FAIM2: variants seen among roughly 807,000 people sequenced by gnomAD.
FAIM2 encodes the protein protein lifeguard 2.
A neutral mutation model predicts 47.4 loss-of-function variants in FAIM2; 27 were observed. The ratio of observed to expected loss-of-function variants is 0.57; its 90% CI spans 0.42 to 0.78. The LOEUF (loss-of-function observed/expected upper bound fraction) is 0.78. FAIM2 is among the 30% of genes least tolerant of loss of function. The pLI, the probability that FAIM2 is intolerant of heterozygous loss-of-function variation, is 0.00. For missense variants in FAIM2, 311 were observed against 389.4 expected (o/e 0.80, Z 1.69); for synonymous variants, 156 against 159.3 (o/e 0.98, Z 0.16).
intron 11 of FAIM2, among the ~76,000 whole-genome samples, chr12:49,880,339 T>G (rs928936127): frequency 3.3e-5 from 5 of 151,866 alleles, no homozygotes; most frequent in African/African-American, 1.2e-4. Flanking sequence ...TGTGTGCATG[T>G]TTGTGTATGT....
intron 8 of FAIM2, 130 bp downstream of exon 8, chr12:49,889,986 TC>T: frequency 1.1e-6 from 1 of 870,146 alleles, no homozygotes; most frequent in Non-Finnish European, 1.9e-6. Flanking sequence ...GGCCAAAGCC[TC>T]CTGCATGCCT....
At chr12:49,891,028 T>C in intron 6 of FAIM2, 36 bp downstream of exon 6, 1 of 1,606,308 alleles carries the variant, frequency 6.2e-7, no homozygotes, top group Non-Finnish European at 8.5e-7. Context: ...ATCCTGCTCA[T>C]ATTCCCACAA....
In FAIM2 at chr12:49,878,193, CAT is replaced by C. The variant is rs1404241357; in HGVS notation, c.802-7542_802-7541del. On this transcript the variant is annotated intron_variant, in intron 11 of 11. Coordinates refer to ENST00000320634, the MANE Select transcript of FAIM2 (RefSeq NM_012306.4). ...GTATGTGCATGTGTATATGTGTGTG[CAT>C]ATGTGTATGTATGTGCTTGTGTGTA... is the stretch of plus-strand genomic sequence containing the variant. Among the ~76,000 whole-genome samples the C allele has an allele frequency of 2.4e-3, 222 of 94,290 alleles. 40 individuals are homozygous for C. The South Asian group carries it at 0.033, about 14-fold the overall frequency. 61.9% of individuals were successfully genotyped at this position (94,290 alleles called of 152,430 possible).
intron 2 of FAIM2, among the ~76,000 whole-genome samples, chr12:49,899,188 G>T (rs1344549730): frequency 1.3e-5 from 2 of 152,140 alleles, no homozygotes. Context: ...CCAGGTCTGC[G>T]AAATGAAAGC....
At chr12:49,889,329 C>A in intron 9 of FAIM2, 127 bp from the exon 10 acceptor site, 1 of 952,560 alleles carries the variant, frequency 1.0e-6, no homozygotes, top group Non-Finnish European at 1.7e-6. Context: ...TCCTTCCCCT[C>A]CTCCCCCTCA....
At chr12:49,898,156 C>A in intron 2 of FAIM2, 66 bp from the exon 3 acceptor site, 4 of 1,236,720 alleles carry the variant, frequency 3.2e-6, no homozygotes, top group South Asian at 2.4e-5. Context: ...TCCCCAACAG[C>A]CCCCAACTCA....
At chr12:49,889,676 G>A in intron 8 of FAIM2, 108 bp from the exon 9 acceptor site, 2 of 891,598 alleles carry the variant, frequency 2.2e-6, no homozygotes, top group African/African-American at 1.7e-5. Flanking sequence ...GGGATCCCTG[G>A]CCCCAGTCTG....
chr12:49,869,453 C>G lies in FAIM2; in HGVS notation c.*1051G>C, dbSNP rs1946686552. On this transcript the variant is annotated 3_prime_UTR_variant, in exon 12 of 12. Transcript: ENST00000320634. The stretch of plus-strand genomic sequence containing the variant: ...GGAGGCCTGGCTGGGGACGAGCCAG[C>G]AAACAGCAGCTGACAGGAAGGGTTT... 1 of 153,072 alleles carries G rather than the reference C, an allele frequency of 6.5e-6. No homozygotes were observed. Among genetic ancestry groups the G allele is most frequent in the Non-Finnish European group, 1.5e-5 (1 of 68,480 alleles). 9.5% of individuals were successfully genotyped at this position (153,072 alleles called of 1,614,324 possible).
chr12:49,901,281 C>T lies in FAIM2; in HGVS notation c.60G>A (p.Gln20=), dbSNP rs1565621269. The change falls in exon 2 of 12, where the codon CAG becomes CAA. Residue 20 remains glutamine (Q), a synonymous_variant. Coordinates refer to ENST00000320634, the MANE Select transcript of FAIM2 (RefSeq NM_012306.4). ...NKAPGTEGQQ[Q]VHGEKKEAPA... is the part of the protein sequence containing the mutation. ...GAGCCTCCTTCTTCTCGCCATGCAC[C>T]TGCTGCTGCCCCTCGGTCCCAGGGG... is the stretch of plus-strand genomic sequence containing the variant. The T allele has an allele frequency of 5.6e-6, 9 of 1,606,630 alleles. No homozygotes were observed.
At chr12:49,884,923 A>G (rs1159582080) in intron 11 of FAIM2, among the ~76,000 whole-genome samples, 2 of 152,104 alleles carry the variant, frequency 1.3e-5, no homozygotes, top group African/African-American at 4.8e-5. Flanking sequence ...GCAGTCAGCC[A>G]AGATCGCGCT....
intron 8 of FAIM2, among the ~76,000 whole-genome samples, chr12:49,889,827 C>T (rs561016522): frequency 1.3e-5 from 2 of 152,192 alleles, no homozygotes; most frequent in East Asian, 3.9e-4. Context: ...TTGTGCCGGG[C>T]CTGGAGGTGG....
At chr12:49,901,939 C>T (rs1946984935) in intron 1 of FAIM2, 1 of 152,834 alleles carries the variant, frequency 6.5e-6, no homozygotes, top group Non-Finnish European at 1.5e-5. Context: ...GAAGAAGGGC[C>T]TTCAGGGTGG....
intron 1 of FAIM2, among the ~76,000 whole-genome samples, chr12:49,902,624 G>A (rs1464271488): frequency 6.6e-6 from 1 of 151,984 alleles, no homozygotes; most frequent in Non-Finnish European, 1.5e-5. Context: ...GGAGGTGGAA[G>A]GAGACTCAGC....
At chr12:49,870,699 G>A (rs747286406) in intron 11 of FAIM2, 46 bp from the exon 12 acceptor site, 1 of 1,598,468 alleles carries the variant, frequency 6.3e-7, no homozygotes, top group South Asian at 1.1e-5. Flanking sequence ...GGCCCAGGCA[G>A]TGTGACACTG....
At chr12:49,880,990 G>A (rs1946822211) in intron 11 of FAIM2, among the ~76,000 whole-genome samples, 1 of 152,100 alleles carries the variant, frequency 6.6e-6, no homozygotes, top group South Asian at 2.1e-4. Context: ...GAGGGCTCCA[G>A]GTCTCAGCCC....
intron 11 of FAIM2, among the ~76,000 whole-genome samples, chr12:49,877,772 ATATG>A (rs796380430): frequency 3.6e-4 from 55 of 151,892 alleles, no homozygotes; most frequent in African/African-American, 1.2e-3. Flanking sequence ...GTGCGTATGT[ATATG>A]TGTGTGCATG....
At chr12:49,898,579 G>T (rs1946957992) in intron 2 of FAIM2, among the ~76,000 whole-genome samples, 1 of 152,150 alleles carries the variant, frequency 6.6e-6, no homozygotes, top group African/African-American at 2.4e-5. Flanking sequence ...AGGCTAGAGT[G>T]CAGTGGCATG....
intron 11 of FAIM2, among the ~76,000 whole-genome samples, chr12:49,885,760 C>A (rs1014458229): frequency 7.2e-5 from 11 of 152,178 alleles, no homozygotes; most frequent in African/African-American, 2.4e-4. Context: ...GATCTCAGCC[C>A]TCCAGTTCCA....
intron 4 of FAIM2, 150 bp downstream of exon 4, chr12:49,897,369 C>G (rs558289734): frequency 1.3e-6 from 1 of 777,214 alleles, no homozygotes; most frequent in African/African-American, 1.7e-5. Context: ...CTGGTGCCCT[C>G]TCTAAGGTTC....
Sources: allele counts gnomAD v4.1 joint callset (sites outside exome capture counted in the v4.1 genomes callset), GRCh38; gene constraint gnomAD v4.1.1; transcripts MANE v1.5; gene names NCBI Gene and HGNC (gene_info 2026-07-23, HGNC 2026-07-21).